Variants in PPM1L observed in about 807,000 individuals in gnomAD.
PPM1L encodes the protein protein phosphatase 1L.
Under a neutral mutation model 31.4 loss-of-function variants are expected in PPM1L, and 13 were observed. That is an observed-to-expected ratio of 0.41 (90% CI 0.27 to 0.66). The LOEUF is 0.66. Ranked by LOEUF, PPM1L falls within the 30% of genes least tolerant of loss-of-function variation. The probability of loss-of-function intolerance (pLI) is 0.29; values close to 1 mark genes in which losing one functional copy is unlikely to be tolerated. For synonymous variants in PPM1L, 184 were observed against 175.4 expected (o/e 1.05, Z -0.39); for missense variants, 326 against 453.7 (o/e 0.72, Z 2.56).
chr3:160,994,504 G>T (rs955084293), intron 2 of PPM1L, among the ~76,000 whole-genome samples: 5 of 152,176 alleles, frequency 3.3e-5, no homozygotes, highest in Non-Finnish European at 4.4e-5. Context: ...GACAGCCTGG[G>T]GGCTCAACTG....
chr3:160,763,163 A>G (rs2108056000), intron 1 of PPM1L, among the ~76,000 whole-genome samples: 1 of 152,308 alleles, frequency 6.6e-6, no homozygotes, highest in African/African-American at 2.4e-5. Flanking sequence ...TTAAAATTTA[A>G]TTGCCAGCCA....
At chr3:160,886,828 C>T (rs1712933768) in intron 1 of PPM1L, among the ~76,000 whole-genome samples, 2 of 152,062 alleles carry the variant, frequency 1.3e-5, no homozygotes, top group East Asian at 3.9e-4. Context: ...TGCAACATCT[C>T]TTCAAGGAAC....
intron 2 of PPM1L, among the ~76,000 whole-genome samples, chr3:161,059,728 A>T (rs930848940): frequency 6.6e-6 from 1 of 151,878 alleles, no homozygotes; most frequent in Non-Finnish European, 1.5e-5. Flanking sequence ...AGGCAACTGG[A>T]TCCTGGGGGC....
At chr3:160,794,227 A>T (rs1265391743) in intron 1 of PPM1L, among the ~76,000 whole-genome samples, 2 of 152,172 alleles carry the variant, frequency 1.3e-5, no homozygotes, top group African/African-American at 4.8e-5. Context: ...AGTGTATCAT[A>T]TATATTCAGG....
intron 1 of PPM1L, among the ~76,000 whole-genome samples, chr3:160,863,797 G>A (rs1711986586): frequency 6.6e-6 from 1 of 152,086 alleles, no homozygotes; most frequent in Non-Finnish European, 1.5e-5. Flanking sequence ...TGTTCTACTT[G>A]AGCACCCTTC....
At chr3:160,795,404 A>G (rs1421373791) in intron 1 of PPM1L, among the ~76,000 whole-genome samples, 1 of 152,110 alleles carries the variant, frequency 6.6e-6, no homozygotes, top group African/African-American at 2.4e-5. Flanking sequence ...GTGGCAACCA[A>G]GCTTCCCACC....
intron 2 of PPM1L, among the ~76,000 whole-genome samples, chr3:161,013,263 G>C (rs1717957751): frequency 6.6e-6 from 1 of 152,148 alleles, no homozygotes; most frequent in Non-Finnish European, 1.5e-5. Flanking sequence ...CTTTATTTCT[G>C]CCTTCATTTC....
chr3:161,008,627 AG>A (rs916563252), intron 2 of PPM1L, among the ~76,000 whole-genome samples: 33 of 152,316 alleles, frequency 2.2e-4, no homozygotes, highest in African/African-American at 7.9e-4. Flanking sequence ...GTCAGATTCT[AG>A]GTACATTGTG....
rs571593995 is a variant in PPM1L at position 161,007,430 on chromosome 3, T to A, written c.574+45520T>A. ...CCAGAGGCAGGAACAGCTTGATGGG[T>A]TTGAGGGAAAGCAAGGAGGCCCATG... is the stretch of plus-strand genomic sequence containing the variant. On this transcript the variant is annotated intron_variant, in intron 2 of 3. Transcript: ENST00000498165. 6.6e-5 allele frequency among the ~76,000 whole-genome samples: 10 copies of A among 151,468 alleles called. No individual in the cohort carries two copies. In the South Asian group the frequency reaches 2.1e-3, roughly 32 times the overall value.
intron 1 of PPM1L, among the ~76,000 whole-genome samples, chr3:160,910,893 G>A (rs1713949841): frequency 6.6e-6 from 1 of 152,132 alleles, no homozygotes; most frequent in Non-Finnish European, 1.5e-5. Context: ...AATTTCTTTG[G>A]AAATCCAAGA....
chr3:161,056,456 A>C (rs16831830), intron 2 of PPM1L, among the ~76,000 whole-genome samples: 25,970 of 152,042 alleles, frequency 0.17, 3,160 homozygotes, highest in African/African-American at 0.34. Flanking sequence ...AAACACTGTG[A>C]ATAAGTAAAA....
intron 2 of PPM1L, among the ~76,000 whole-genome samples, chr3:161,017,942 C>T (rs962964290): frequency 1.3e-5 from 2 of 152,090 alleles, no homozygotes; most frequent in Non-Finnish European, 2.9e-5. Flanking sequence ...AAAATTTCCC[C>T]TATTACCCTA....
chr3:160,796,741 C>A (rs2108075720), intron 1 of PPM1L, among the ~76,000 whole-genome samples: 1 of 152,272 alleles, frequency 6.6e-6, no homozygotes, highest in African/African-American at 2.4e-5. Context: ...ATCTGTGAAA[C>A]AGATGTATAA....
chr3:160,892,546 G>T (rs1012529117), intron 1 of PPM1L, among the ~76,000 whole-genome samples: 2 of 151,920 alleles, frequency 1.3e-5, no homozygotes, highest in Admixed American at 1.3e-4. Context: ...TTAAAAGTCT[G>T]TTTCTAAGCT....
intron 1 of PPM1L, among the ~76,000 whole-genome samples, chr3:160,956,541 C>T (rs1268706495): frequency 1.3e-5 from 2 of 152,112 alleles, no homozygotes; most frequent in African/African-American, 4.8e-5. Context: ...TCAAAGGGTC[C>T]CTAGAAGAAT....
rs1293101201 is a variant in PPM1L at position 160,864,479 on chromosome 3, C to G, written c.400-97257C>G. Among the ~76,000 whole-genome samples the G allele has an allele frequency of 2.0e-5, 3 of 152,236 alleles. No individual in the cohort carries two copies. The East Asian group carries it at 5.8e-4, about 29-fold the overall frequency. On this transcript the variant is annotated intron_variant, in intron 1 of 3. Coordinates refer to ENST00000498165, the MANE Select transcript of PPM1L (RefSeq NM_139245.4). ...GGGGTGAGCCACCACGCCCAGTCAC[C>G]CTTGTCTTCCTTGACTACCATCTGC...
At chr3:160,949,679 C>A (rs1259846191) in intron 1 of PPM1L, among the ~76,000 whole-genome samples, 1 of 152,104 alleles carries the variant, frequency 6.6e-6, no homozygotes, top group Non-Finnish European at 1.5e-5. Flanking sequence ...GTCAGGGAGA[C>A]CCACATAGAT....
intron 1 of PPM1L, among the ~76,000 whole-genome samples, chr3:160,869,975 C>G (rs1712244885): frequency 6.6e-6 from 1 of 152,068 alleles, no homozygotes; most frequent in African/African-American, 2.4e-5. Flanking sequence ...CTGCTCTTGT[C>G]CAGCTGCCAC....
At chr3:161,009,515 A>G (rs1717820052) in intron 2 of PPM1L, among the ~76,000 whole-genome samples, 1 of 152,160 alleles carries the variant, frequency 6.6e-6, no homozygotes, top group Non-Finnish European at 1.5e-5. Flanking sequence ...CAGTCATACT[A>G]TATTTGTTAC....
Sources: allele counts gnomAD v4.1 joint callset (sites outside exome capture counted in the v4.1 genomes callset), GRCh38; gene constraint gnomAD v4.1.1; transcripts MANE v1.5; gene names NCBI Gene and HGNC (gene_info 2026-07-23, HGNC 2026-07-21).